TCF7L2: variants seen among roughly 807,000 people sequenced by gnomAD.
TCF7L2 encodes transcription factor 7-like 2.
In TCF7L2, 23 loss-of-function variants were observed where a neutral mutation model predicts 77.9. The observed-to-expected ratio is 0.30, with a 90% confidence interval of 0.21 to 0.42. The LOEUF (loss-of-function observed/expected upper bound fraction) is 0.42. Ranked by LOEUF, TCF7L2 falls within the 10% of genes least tolerant of loss-of-function variation. TCF7L2 has a pLI of 1.00. For synonymous variants in TCF7L2, 413 were observed against 340.2 expected, an observed-to-expected ratio of 1.21 and a Z score of -2.36; for missense variants, 654 against 793.1, an observed-to-expected ratio of 0.82 and a Z score of 2.11.
At chr10:112,976,524 T>C (rs2135075893) in intron 4 of TCF7L2, among the ~76,000 whole-genome samples, 1 of 152,346 alleles carries the variant, frequency 6.6e-6, no homozygotes, top group East Asian at 1.9e-4. Flanking sequence ...CTCATATTTA[T>C]ATCCCTGTAG....
intron 3 of TCF7L2, among the ~76,000 whole-genome samples, chr10:112,963,263 A>G (rs1407697847): frequency 6.6e-6 from 1 of 152,136 alleles, no homozygotes; most frequent in Admixed American, 6.5e-5. Context: ...ATTTTGAGTT[A>G]GTTCAAAAGT....
intron 4 of TCF7L2, among the ~76,000 whole-genome samples, chr10:113,026,836 C>G (rs1482760581): frequency 2.6e-5 from 4 of 152,200 alleles, no homozygotes; most frequent in Non-Finnish European, 5.9e-5. Flanking sequence ...AACTTTCTTG[C>G]TATTAATAGC....
chr10:113,126,547 G>A (rs1391222542), intron 5 of TCF7L2: 11 of 984,812 alleles, frequency 1.1e-5, no homozygotes, highest in Non-Finnish European at 1.1e-5. Flanking sequence ...AAAAAGAAGA[G>A]TAAGAAAGCC....
chr10:113,128,706 C>G (rs1301674716), intron 5 of TCF7L2, among the ~76,000 whole-genome samples: 2 of 152,022 alleles, frequency 1.3e-5, no homozygotes, highest in African/African-American at 2.4e-5. Context: ...GAGTTTTGTC[C>G]CCTGCAACTT....
rs2035077372 is a variant in TCF7L2, at chr10:112,961,257, C to CCA, written c.382-3298_382-3297insAC. On this transcript the variant is annotated intron_variant, in intron 3 of 13. Coordinates refer to ENST00000627217, the MANE Select transcript of TCF7L2 (RefSeq NM_001146274.2). ...CTCGAACTCCCGACCTCAGGTGACC[C>CCA]CCCCCCCCCCAACCTCGGCCTTCCA... is the stretch of plus-strand genomic sequence containing the variant. Among the ~76,000 whole-genome samples the CCA allele has an allele frequency of 9.0e-5, 7 of 78,066 alleles. 1 individual carries two copies. Among genetic ancestry groups the CCA allele is most frequent in the African/African-American group, 6.5e-4 (7 of 10,778 alleles). 51.2% of individuals were successfully genotyped at this position (78,066 alleles called of 152,430 possible).
rs114990698 is a variant in TCF7L2, at chr10:112,997,777, G to C, written c.450+33153G>C. On this transcript the variant is annotated intron_variant, in intron 4 of 13. Coordinates refer to ENST00000627217, the MANE Select transcript of TCF7L2 (RefSeq NM_001146274.2). The stretch of plus-strand genomic sequence containing the variant: ...AAGATTCCATGTTGGTTTCTGTTGG[G>C]CCTAGAGTGTCACACTGAGACCTAA... Among the ~76,000 whole-genome samples the C allele has an allele frequency of 8.3e-3, 1,270 of 152,202 alleles. 25 individuals carry two copies. The highest frequency in any genetic ancestry group is 0.029 in the African/African-American group (1,189 of 41,504).
rs751249543 is a variant in TCF7L2, at chr10:112,998,101, C to CT, written c.450+33493dup. On this transcript the variant is annotated intron_variant, in intron 4 of 13. Coordinates refer to ENST00000627217, the MANE Select transcript of TCF7L2 (RefSeq NM_001146274.2). ...AGGAGGGGCCCAGGTTCTGGTCCTA[C>CT]TTTTTTTTTTTTTTTTCTAAAGAGA... 5.8e-3 allele frequency among the ~76,000 whole-genome samples: 811 copies of CT among 140,078 alleles called. 6 individuals are homozygous for CT. The highest frequency in any genetic ancestry group is 0.028 in the South Asian group (120 of 4,348). The allele number at this position is 140,078 out of a possible 152,430, so 91.9% of individuals were successfully genotyped here.
At chr10:113,041,766 G>A (rs7895340) in intron 5 of TCF7L2, among the ~76,000 whole-genome samples, 79,364 of 151,978 alleles carry the variant, frequency 0.52, 23,162 homozygotes, top group African/African-American at 0.77. Context: ...AGAGAGTAAA[G>A]TGAAGAAGCC....
At chr10:113,036,134 CAT>C (rs2051192837) in intron 4 of TCF7L2, among the ~76,000 whole-genome samples, 1 of 150,736 alleles carries the variant, frequency 6.6e-6, no homozygotes, top group South Asian at 2.1e-4. Context: ...TCATCATCAT[CAT>C]CATCATCATC....
At chr10:112,958,933 G>A (rs1156280881) in intron 3 of TCF7L2, among the ~76,000 whole-genome samples, 1 of 152,182 alleles carries the variant, frequency 6.6e-6, no homozygotes, top group Non-Finnish European at 1.5e-5. Flanking sequence ...GAGTTTTAGT[G>A]TAGCAACTTT....
chr10:112,964,181 T>C (rs1251467603), intron 3 of TCF7L2, among the ~76,000 whole-genome samples: 1 of 152,162 alleles, frequency 6.6e-6, no homozygotes, highest in East Asian at 1.9e-4. Context: ...CATGTTGCAA[T>C]TCTGATGACT....
intron 4 of TCF7L2, among the ~76,000 whole-genome samples, chr10:113,012,934 C>T (rs1055299423): frequency 6.6e-5 from 10 of 152,224 alleles, no homozygotes; most frequent in East Asian, 3.9e-4. Context: ...TTACTCTACG[C>T]GTGTTGCTGA....
chr10:113,163,388 G>A (rs1269560508), intron 13 of TCF7L2, among the ~76,000 whole-genome samples: 1 of 152,118 alleles, frequency 6.6e-6, no homozygotes, highest in African/African-American at 2.4e-5. Flanking sequence ...ATGCTGCTTG[G>A]TGCTGTTCCC....
chr10:113,116,270 A>G (rs534313573), intron 5 of TCF7L2, among the ~76,000 whole-genome samples: 2 of 152,318 alleles, frequency 1.3e-5, no homozygotes, highest in Admixed American at 6.5e-5. Context: ...TTTGAAAATC[A>G]TAGATTTGAT....
chr10:112,975,194 A>G (rs1055197133), intron 4 of TCF7L2, among the ~76,000 whole-genome samples: 1 of 152,184 alleles, frequency 6.6e-6, no homozygotes, highest in South Asian at 2.1e-4. Context: ...ATAAAAAGAA[A>G]CATTCACATC....
chr10:113,014,074 A>C (rs931974563), intron 4 of TCF7L2, among the ~76,000 whole-genome samples: 3 of 152,240 alleles, frequency 2.0e-5, no homozygotes, highest in Non-Finnish European at 4.4e-5. Flanking sequence ...TTGAGTTAAC[A>C]CAGGAGGACA....
intron 3 of TCF7L2, among the ~76,000 whole-genome samples, chr10:112,954,398 G>A (rs1456389114): frequency 3.3e-5 from 5 of 152,018 alleles, no homozygotes; most frequent in South Asian, 4.2e-4. Context: ...TCATTAAATC[G>A]GCTTATGATG....
chr10:113,022,388 C>T (rs536841742), intron 4 of TCF7L2, among the ~76,000 whole-genome samples: 112 of 152,252 alleles, frequency 7.4e-4, no homozygotes, highest in African/African-American at 2.6e-3. Context: ...AGAGATGCAG[C>T]GACTTAGAAC....
At chr10:112,951,375 G>C (rs1589566065) in intron 2 of TCF7L2, 102 bp downstream of exon 2, 2 of 1,112,240 alleles carry the variant, frequency 1.8e-6, no homozygotes, top group Non-Finnish European at 1.1e-6. Flanking sequence ...GCCCTGCGCC[G>C]GCCCGGTCGG....
Sources: gnomAD v4.1 joint callset for allele counts (sites outside exome capture counted in the v4.1 genomes callset) on GRCh38, gnomAD v4.1.1 for gene constraint, MANE v1.5 for transcripts, NCBI Gene and HGNC (gene_info 2026-07-23, HGNC 2026-07-21) for gene names.